Variants in PEPD observed in about 807,000 individuals in gnomAD.
PEPD encodes peptidase D.
In PEPD, 53 loss-of-function variants were observed where a neutral mutation model predicts 60.7. The observed-to-expected ratio is 0.87, with a 90% CI of 0.70 to 1.10. The LOEUF (loss-of-function observed/expected upper bound fraction) is 1.10, where lower values mean the gene tolerates loss of function less well. Among genes scored for constraint, PEPD ranks in the 50% least tolerant of loss-of-function variants. PEPD has a pLI of 0.00. For synonymous variants in PEPD, 267 were observed against 284.1 expected (o/e 0.94, Z 0.60); for missense variants, 711 against 711.9 (o/e 1.00, Z 0.01).
intron 1 of PEPD, among the ~76,000 whole-genome samples, chr19:33,519,584 T>A (rs1971092878): frequency 6.6e-6 from 1 of 152,120 alleles, no homozygotes; most frequent in African/African-American, 2.4e-5. Context: ...GCCACTGGGG[T>A]CAACCTCAGG....
At chr19:33,482,658 G>A (rs1419889407) in intron 6 of PEPD, among the ~76,000 whole-genome samples, 1 of 152,190 alleles carries the variant, frequency 6.6e-6, no homozygotes, top group African/African-American at 2.4e-5. Context: ...CCACTTCTAG[G>A]TATATACCCA....
At chr19:33,474,034 T>C (rs1045076691) in intron 7 of PEPD, among the ~76,000 whole-genome samples, 6 of 152,190 alleles carry the variant, frequency 3.9e-5, no homozygotes, top group African/African-American at 1.4e-4. Context: ...TGAGGAACCC[T>C]GTGTCCCCAG....
chr19:33,390,666 C>T (rs1968196452), intron 13 of PEPD, among the ~76,000 whole-genome samples: 1 of 152,240 alleles, frequency 6.6e-6, no homozygotes, highest in African/African-American at 2.4e-5. Context: ...CCAAGCCTCA[C>T]TTACCCTCTG....
intron 9 of PEPD, among the ~76,000 whole-genome samples, chr19:33,455,263 C>G (rs1969774342): frequency 6.6e-6 from 1 of 152,214 alleles, no homozygotes; most frequent in African/African-American, 2.4e-5. Flanking sequence ...GTGCCAGGTA[C>G]ATGGAACTCT....
intron 9 of PEPD, among the ~76,000 whole-genome samples, chr19:33,444,061 T>C (rs1344187048): frequency 6.6e-6 from 1 of 151,926 alleles, no homozygotes; most frequent in Non-Finnish European, 1.5e-5. Context: ...GCACTTACGT[T>C]CGTACATGGG....
At chr19:33,479,769 G>C (rs1426597792) in intron 6 of PEPD, among the ~76,000 whole-genome samples, 1 of 152,174 alleles carries the variant, frequency 6.6e-6, no homozygotes, top group Non-Finnish European at 1.5e-5. Flanking sequence ...TTTTATGGTT[G>C]CATAGTATTC....
rs1198073206 is a variant in PEPD at position 33,464,016 on chromosome 19, T to G, written c.595A>C (p.Asn199His). The change falls in exon 8 of 15, where the codon AAT (asparagine) becomes CAT (histidine). Residue 199 changes from asparagine (N) to histidine (H), a missense_variant. By Grantham distance (68) the Asn-to-His change is moderately conservative. Coordinates refer to ENST00000244137, the MANE Select transcript of PEPD (RefSeq NM_000285.4). ...CGGTGGGCCTCGCTGGAGATTTTAT[T>G]GGTATAGCGCAGAACCTCCAGCTCC... ...DMELEVLRYTNKISSEAHREV... is the reference protein window; with the variant it reads ...DMELEVLRYTHKISSEAHREV... 1.2e-6 allele frequency: 2 copies of G among 1,613,092 alleles called. No individual in the cohort carries two copies. The highest frequency in any genetic ancestry group is 4.5e-5 in the East Asian group (2 of 44,856).
At chr19:33,396,413 C>T (rs1477266085) in intron 12 of PEPD, among the ~76,000 whole-genome samples, 1 of 152,186 alleles carries the variant, frequency 6.6e-6, no homozygotes, top group East Asian at 1.9e-4. Context: ...CATCCCGCGC[C>T]TCAGTGCCCC....
At chr19:33,455,217 G>A (rs1244075684) in intron 9 of PEPD, among the ~76,000 whole-genome samples, 1 of 152,158 alleles carries the variant, frequency 6.6e-6, no homozygotes, top group Non-Finnish European at 1.5e-5. Flanking sequence ...CTAAAGTAAT[G>A]TTAATAACTT....
chr19:33,388,042 G>A lies in PEPD; in HGVS notation c.1192C>T (p.Arg398Cys), dbSNP rs1389880105. ...CCTGGCTGCAGGTGCCGTGCAGTGC[G>A]CAGGCTCCGCAGGCCGGGCTCGTCG... ...RIDEPGLRSL[R>C]TARHLQPGMV... The change falls in exon 14 of 15, where the codon CGC (arginine) becomes TGC (cysteine). Residue 398 changes from arginine (R) to cysteine (C), a missense_variant. Transcript: ENST00000244137. 13 of 1,557,182 alleles carry A rather than the reference G, an allele frequency of 8.3e-6. No individual in the cohort carries two copies. The highest frequency in any genetic ancestry group is 1.1e-5 in the Non-Finnish European group (13 of 1,151,348).
chr19:33,463,026 T>G lies in PEPD; in HGVS notation c.640A>C (p.Lys214Gln), dbSNP rs1171796099. The G allele has an allele frequency of 1.3e-6, 2 of 1,596,440 alleles. No homozygotes were observed. Among genetic ancestry groups the G allele is most frequent in the Admixed American group, 3.3e-5 (2 of 60,008 alleles). ...EAHREVMKAV[K>Q]VGMKEYELES... ...AACTCATATTCTTTCATTCCCACTT[T>G]TACAGCCTTCATTACCTGGAGGACG... The change falls in exon 9 of 15, where the codon AAA (lysine) becomes CAA (glutamine). Residue 214 changes from lysine to glutamine, a missense_variant. Transcript: ENST00000244137.
chr19:33,511,607 G>A, intron 2 of PEPD: 1 of 294,452 alleles, frequency 3.4e-6, no homozygotes, highest in Non-Finnish European at 6.7e-6. Flanking sequence ...GACGGCTGAT[G>A]ACTTCAGTGT....
rs1241054557 is a variant in PEPD at position 33,489,993 on chromosome 19, C to T, written c.503+3G>A. ...AAAGAGTCCCTGGGGGCCCAGGACT[C>T]ACTTGCTGATGCCGTCAAAGGAGGC... On this transcript the variant is annotated splice_donor_region_variant and intron_variant, in intron 6 of 14. Transcript: ENST00000244137. 4 of 1,594,702 alleles carry T rather than the reference C, an allele frequency of 2.5e-6. No homozygotes were observed. The Admixed American group carries it at 6.7e-5, about 27-fold the overall frequency.
At chr19:33,497,280 G>C (rs1189490003) in intron 4 of PEPD, among the ~76,000 whole-genome samples, 2 of 152,228 alleles carry the variant, frequency 1.3e-5, no homozygotes, top group Non-Finnish European at 2.9e-5. Flanking sequence ...GCCTGTAGCA[G>C]ACTTGGTGAC....
chr19:33,387,826 G>A lies in PEPD; in HGVS notation c.1344+64C>T, dbSNP rs190417255. On this transcript the variant is annotated intron_variant, in intron 14 of 14. Coordinates refer to ENST00000244137, the MANE Select transcript of PEPD (RefSeq NM_000285.4). The stretch of plus-strand genomic sequence containing the variant: ...AGGGCCCCTGTCTTGGGACTAAGGA[G>A]TCTGCAGCTGCAGTGGAGGTGGCAG... 279 of 1,323,168 alleles carry A rather than the reference G, an allele frequency of 2.1e-4. 1 individual carries two copies. In the East Asian group the frequency reaches 5.2e-3, roughly 25 times the overall value. The allele number at this position is 1,323,168 out of a possible 1,614,324, so 82.0% of individuals were successfully genotyped here. A position where few individuals can be genotyped will look rare whatever the true frequency, so the allele number is the denominator to read the frequency against.
intron 10 of PEPD, among the ~76,000 whole-genome samples, chr19:33,413,310 G>A (rs1394544664): frequency 6.6e-6 from 1 of 152,234 alleles, no homozygotes; most frequent in African/African-American, 2.4e-5. Context: ...GCTGGGGACA[G>A]GAGGGAGGGG....
rs1351689192 is a variant in PEPD at position 33,514,627 on chromosome 19, G to A, written c.18-1851C>T. Among the ~76,000 whole-genome samples, 4 of 151,924 alleles carry A rather than the reference G, an allele frequency of 2.6e-5. 1 individual carries two copies. The highest frequency in any genetic ancestry group is 1.3e-4 in the Admixed American group (2 of 15,288). On this transcript the variant is annotated intron_variant, in intron 1 of 14. Transcript: ENST00000244137. ...TGCACGCTGCCTCCTGTCTCCAGGC[G>A]CACTGAGCCAACGACAGGCACATGA...
intron 4 of PEPD, among the ~76,000 whole-genome samples, chr19:33,498,891 C>A (rs941438783): frequency 4.6e-5 from 7 of 152,200 alleles, no homozygotes; most frequent in Non-Finnish European, 8.8e-5. Flanking sequence ...GGTGCCCATC[C>A]CGCCAGGGTC....
chr19:33,470,487 C>T (rs1223355997), intron 7 of PEPD, among the ~76,000 whole-genome samples: 3 of 152,092 alleles, frequency 2.0e-5, no homozygotes, highest in Admixed American at 1.3e-4. Flanking sequence ...TTCTAGGGGT[C>T]GGAGACGACC....
Sources: gnomAD v4.1 joint callset for allele counts (sites outside exome capture counted in the v4.1 genomes callset) on GRCh38, gnomAD v4.1.1 for gene constraint, MANE v1.5 for transcripts, NCBI Gene and HGNC (gene_info 2026-07-23, HGNC 2026-07-21) for gene names.